The following EXT1 variants were observed in gnomAD, a reference collection of about 807,000 sequenced individuals.
EXT1 encodes the protein exostosin glycosyltransferase 1.
In EXT1, 20 loss-of-function variants were observed where a neutral mutation model predicts 82.5. The ratio of observed to expected loss-of-function variants is 0.24; its 90% confidence interval spans 0.17 to 0.35. The LOEUF (loss-of-function observed/expected upper bound fraction) is 0.35. Among genes scored for constraint, EXT1 ranks in the 10% least tolerant of loss-of-function variants. EXT1 has a pLI of 1.00. For synonymous variants in EXT1, 348 were observed against 350.8 expected (o/e 0.99, Z 0.09); for missense variants, 757 against 936.5 (o/e 0.81, Z 2.50).
In EXT1 at chr8:117,904,000, C is replaced by G. The variant is rs536154431; in HGVS notation, c.963-66799G>C. Reference sequence around the variant, plus strand: ...CGTTACTCAAGAGACAGTAACTGACCTGAAGTTCTTAAAATTTGTTCTTTA... The same window carrying G: ...CGTTACTCAAGAGACAGTAACTGACGTGAAGTTCTTAAAATTTGTTCTTTA... On this transcript the variant is annotated intron_variant, in intron 1 of 10. Coordinates refer to ENST00000378204, the MANE Select transcript of EXT1 (RefSeq NM_000127.3). Among the ~76,000 whole-genome samples, 6 of 152,294 alleles carry G rather than the reference C, an allele frequency of 3.9e-5. 1 individual carries two copies. The East Asian group carries it at 1.2e-3, about 29-fold the overall frequency.
At chr8:118,087,071 T>G (rs1457439087) in intron 1 of EXT1, among the ~76,000 whole-genome samples, 1 of 152,206 alleles carries the variant, frequency 6.6e-6, no homozygotes, top group East Asian at 1.9e-4. Flanking sequence ...CTTCAGAGGA[T>G]GAATTCGCCA....
intron 7 of EXT1, 41 bp from the exon 8 acceptor site, chr8:117,813,002 GAAAGAGGT>G: frequency 3.3e-6 from 5 of 1,531,784 alleles, no homozygotes; most frequent in Non-Finnish European, 4.5e-6. Context: ...GGGAATGAGG[GAAAGAGGT>G]AACTTCAGAG....
At chr8:117,984,487 T>C (rs995153165) in intron 1 of EXT1, among the ~76,000 whole-genome samples, 2 of 148,978 alleles carry the variant, frequency 1.3e-5, no homozygotes, top group African/African-American at 4.9e-5. Context: ...AAAAGAGATG[T>C]GGCAATTAAG....
At chr8:117,959,692 A>G (rs1158350137) in intron 1 of EXT1, among the ~76,000 whole-genome samples, 1 of 152,228 alleles carries the variant, frequency 6.6e-6, no homozygotes, top group Non-Finnish European at 1.5e-5. Flanking sequence ...TATTAAATGC[A>G]TTGTAATATT....
At chr8:117,890,857 G>A (rs993994850) in intron 1 of EXT1, among the ~76,000 whole-genome samples, 1 of 152,110 alleles carries the variant, frequency 6.6e-6, no homozygotes, top group African/African-American at 2.4e-5. Flanking sequence ...CAGTGCAGCC[G>A]CTACTACAAT....
chr8:117,947,837 T>C (rs1196922353), intron 1 of EXT1, among the ~76,000 whole-genome samples: 1 of 152,130 alleles, frequency 6.6e-6, no homozygotes, highest in African/African-American at 2.4e-5. Flanking sequence ...TATATCTGAG[T>C]AATTAGCCTC....
At chr8:117,879,807 T>G (rs1379769446) in intron 1 of EXT1, among the ~76,000 whole-genome samples, 5 of 152,208 alleles carry the variant, frequency 3.3e-5, no homozygotes, top group African/African-American at 1.2e-4. Context: ...GATGTGGTCC[T>G]AAAACAGATT....
At chr8:117,990,501 T>C (rs1304617947) in intron 1 of EXT1, among the ~76,000 whole-genome samples, 1 of 152,206 alleles carries the variant, frequency 6.6e-6, no homozygotes, top group African/African-American at 2.4e-5. Context: ...CACCTGAACC[T>C]ATGCCTTCCC....
chr8:118,102,661 G>A (rs1817739769), intron 1 of EXT1, among the ~76,000 whole-genome samples: 1 of 152,194 alleles, frequency 6.6e-6, no homozygotes, highest in Non-Finnish European at 1.5e-5. Context: ...ACTTGGATAT[G>A]CAGAGACAGA....
At chr8:117,838,233 T>C (rs1350624647) in intron 1 of EXT1, among the ~76,000 whole-genome samples, 1 of 152,202 alleles carries the variant, frequency 6.6e-6, no homozygotes, top group Admixed American at 6.5e-5. Flanking sequence ...AGCAGACAGG[T>C]GTGACTTTGA....
At chr8:117,823,984 G>A (rs1024280097) in intron 4 of EXT1, among the ~76,000 whole-genome samples, 33 of 152,102 alleles carry the variant, frequency 2.2e-4, no homozygotes, top group African/African-American at 7.2e-4. Flanking sequence ...AGTTGTGAAG[G>A]ACTTTTTACA....
At chr8:117,980,394 A>G (rs1815165134) in intron 1 of EXT1, among the ~76,000 whole-genome samples, 1 of 152,062 alleles carries the variant, frequency 6.6e-6, no homozygotes, top group Admixed American at 6.6e-5. Context: ...TCACCTCCCA[A>G]TTCAAATCAG....
At chr8:117,831,311 T>C (rs952334099) in intron 3 of EXT1, among the ~76,000 whole-genome samples, 1 of 152,230 alleles carries the variant, frequency 6.6e-6, no homozygotes, top group Non-Finnish European at 1.5e-5. Flanking sequence ...ATGATGATTA[T>C]ATAAGTGCTT....
chr8:117,897,139 C>T (rs1813354441), intron 1 of EXT1, among the ~76,000 whole-genome samples: 1 of 152,226 alleles, frequency 6.6e-6, no homozygotes, highest in Non-Finnish European at 1.5e-5. Context: ...CAGTTAAGAA[C>T]TGAATAATTC....
At chr8:117,955,429 T>C (rs568745006) in intron 1 of EXT1, among the ~76,000 whole-genome samples, 1 of 152,132 alleles carries the variant, frequency 6.6e-6, no homozygotes, top group Admixed American at 6.6e-5. Context: ...CCACTAAGAA[T>C]CACCTCATTA....
intron 4 of EXT1, among the ~76,000 whole-genome samples, chr8:117,828,757 T>A (rs1368673920): frequency 2.0e-5 from 3 of 152,170 alleles, no homozygotes; most frequent in Non-Finnish European, 4.4e-5. Context: ...GTCCCCTTCA[T>A]GGGAATGGGC....
chr8:118,103,102 G>A (rs566641701), intron 1 of EXT1, among the ~76,000 whole-genome samples: 5 of 152,288 alleles, frequency 3.3e-5, no homozygotes, highest in Admixed American at 1.3e-4. Context: ...GCGGTAAGCC[G>A]AGATCGCCCT....
At chr8:118,084,955 C>T (rs1183068547) in intron 1 of EXT1, among the ~76,000 whole-genome samples, 1 of 152,250 alleles carries the variant, frequency 6.6e-6, no homozygotes, top group African/African-American at 2.4e-5. Context: ...GGGCTGGGGG[C>T]CTAAAGCCCA....
chr8:118,036,670 T>C (rs1257040889), intron 1 of EXT1, among the ~76,000 whole-genome samples: 1 of 152,120 alleles, frequency 6.6e-6, no homozygotes, highest in African/African-American at 2.4e-5. Context: ...AGACAAAAAA[T>C]GTACACATTT....
Sources: gnomAD v4.1 joint callset for allele counts (sites outside exome capture counted in the v4.1 genomes callset) on GRCh38, gnomAD v4.1.1 for gene constraint, MANE v1.5 for transcripts, NCBI Gene and HGNC (gene_info 2026-07-23, HGNC 2026-07-21) for gene names.